The following GRIN2A variants were observed in gnomAD, a reference collection of about 807,000 sequenced individuals.
The protein encoded by GRIN2A is glutamate receptor ionotropic, NMDA 2A.
Under a neutral mutation model 113.4 loss-of-function variants are expected in GRIN2A, and 22 were observed. The ratio of observed to expected loss-of-function variants is 0.19; its 90% CI spans 0.14 to 0.28. The LOEUF is 0.28. Among genes scored for constraint, GRIN2A ranks in the 10% least tolerant of loss-of-function variants. The probability of loss-of-function intolerance (pLI) is 1.00; values close to 1 mark genes in which losing one functional copy is unlikely to be tolerated. For synonymous variants in GRIN2A, 827 were observed against 738.4 expected, an observed-to-expected ratio of 1.12 and a Z score of -1.94; for missense variants, 1,502 against 1,887.0, an observed-to-expected ratio of 0.80 and a Z score of 3.78.
At chr16:9,775,585 T>C (rs757257658) in intron 11 of GRIN2A, among the ~76,000 whole-genome samples, 3 of 151,498 alleles carry the variant, frequency 2.0e-5, no homozygotes, top group Non-Finnish European at 4.4e-5. Context: ...AAACAAGGAG[T>C]GTTGAGATCA....
At chr16:10,001,711 T>C (rs571831386) in intron 2 of GRIN2A, among the ~76,000 whole-genome samples, 33 of 152,330 alleles carry the variant, frequency 2.2e-4, no homozygotes, top group Middle Eastern at 3.4e-3. Flanking sequence ...CAGAATTGCA[T>C]GGATTGGCTT....
chr16:9,885,351 G>T (rs1291912209), intron 4 of GRIN2A, among the ~76,000 whole-genome samples: 1 of 152,154 alleles, frequency 6.6e-6, no homozygotes, highest in Admixed American at 6.5e-5. Flanking sequence ...TCTCTGGGAA[G>T]CCTTGGACTC....
chr16:9,830,199 A>G (rs2042464733), intron 8 of GRIN2A, among the ~76,000 whole-genome samples: 1 of 152,256 alleles, frequency 6.6e-6, no homozygotes, highest in Non-Finnish European at 1.5e-5. Context: ...CTCCAAATGG[A>G]GACATTAAGG....
At chr16:10,004,735 A>T (rs894836865) in intron 2 of GRIN2A, among the ~76,000 whole-genome samples, 1 of 152,192 alleles carries the variant, frequency 6.6e-6, no homozygotes, top group South Asian at 2.1e-4. Context: ...TCTTTCCCTG[A>T]TGAGGACACT....
intron 2 of GRIN2A, among the ~76,000 whole-genome samples, chr16:10,119,734 C>T (rs1033435869): frequency 6.6e-6 from 1 of 152,170 alleles, no homozygotes; most frequent in Non-Finnish European, 1.5e-5. Context: ...TCCCTCCTCC[C>T]ACCCTCCGCC....
intron 2 of GRIN2A, among the ~76,000 whole-genome samples, chr16:10,152,527 C>T (rs1237688258): frequency 4.6e-5 from 7 of 152,190 alleles, no homozygotes; most frequent in African/African-American, 1.7e-4. Flanking sequence ...CCAACCATCA[C>T]TCACTCTGAC....
chr16:9,893,656 A>G (rs1379655698), intron 3 of GRIN2A, among the ~76,000 whole-genome samples: 1 of 152,080 alleles, frequency 6.6e-6, no homozygotes, highest in Non-Finnish European at 1.5e-5. Flanking sequence ...TAGTAGATAC[A>G]GGGTTTTGCC....
At chr16:10,094,989 G>C (rs866462221) in intron 2 of GRIN2A, among the ~76,000 whole-genome samples, 1 of 151,908 alleles carries the variant, frequency 6.6e-6, no homozygotes, top group Non-Finnish European at 1.5e-5. Flanking sequence ...TTTGGAGATA[G>C]GGCTTTTAGG....
intron 2 of GRIN2A, among the ~76,000 whole-genome samples, chr16:10,060,803 T>G (rs768539596): frequency 3.3e-5 from 5 of 152,170 alleles, no homozygotes; most frequent in Non-Finnish European, 5.9e-5. Context: ...CGTTTCCTCT[T>G]TACGAGTGCA....
Position 10,040,572 on chromosome 16 carries a change from TCACA to T in GRIN2A, c.415-102025_415-102022del, listed in dbSNP as rs112132209. On this transcript the variant is annotated intron_variant, in intron 2 of 12. Coordinates refer to ENST00000330684, the MANE Select transcript of GRIN2A (RefSeq NM_001134407.3). The stretch of plus-strand genomic sequence containing the variant: ...ACAGCAGACATACAAACCCACATAT[TCACA>T]CACACACACACACAAAACACACATC... Among the ~76,000 whole-genome samples, 223 of 149,992 alleles carry T rather than the reference TCACA, an allele frequency of 1.5e-3. 2 individuals are homozygous for T. The highest frequency in any genetic ancestry group is 4.2e-3 in the African/African-American group (173 of 40,790).
intron 11 of GRIN2A, among the ~76,000 whole-genome samples, chr16:9,773,275 T>C (rs908814371): frequency 2.6e-5 from 4 of 152,194 alleles, no homozygotes; most frequent in Admixed American, 6.5e-5. Context: ...TTCTGCCATA[T>C]AAATAGAAGG....
intron 3 of GRIN2A, among the ~76,000 whole-genome samples, chr16:9,902,214 G>A (rs1411043798): frequency 6.6e-6 from 1 of 152,164 alleles, no homozygotes; most frequent in Non-Finnish European, 1.5e-5. Flanking sequence ...AGCTAGGCAT[G>A]ACCCTATGAC....
At position 9,891,166 on chromosome 16, in the gene GRIN2A, G is replaced by A. The variant is rs1186545014; in HGVS notation, c.1008-66C>T. 4.5e-6 allele frequency: 4 copies of A among 890,214 alleles called. No individual in the cohort carries two copies. In the African/African-American group the frequency reaches 6.5e-5, roughly 15 times the overall value. The allele number at this position is 890,214 out of a possible 1,614,324, so 55.1% of individuals were successfully genotyped here. A position where few individuals can be genotyped will look rare whatever the true frequency, so the allele number is the denominator to read the frequency against. The stretch of plus-strand genomic sequence containing the variant: ...ATTAGAGCAATCGAACAAATAAGTG[G>A]ATGCCACCATTAATGGAATACTGAA... On this transcript the variant is annotated intron_variant, in intron 3 of 12. Transcript: ENST00000330684.
In GRIN2A at chr16:10,180,610, ACT is replaced by A. The variant is rs757648735; in HGVS notation, c.-18-183_-18-182del. On this transcript the variant is annotated intron_variant, in intron 1 of 12. Coordinates refer to ENST00000330684, the MANE Select transcript of GRIN2A (RefSeq NM_001134407.3). This position sits in a 1 kb window ranked among gnomAD's most constrained non-coding sequence, Gnocchi z 7.0. Reference sequence around the variant, plus strand: ...ATCCACATCCCTCGATCCATCTCTAACTCTATCCACAACTCCAATTCGAGCTA... The same window carrying A: ...ATCCACATCCCTCGATCCATCTCTAACTATCCACAACTCCAATTCGAGCTA... 1.2e-3 allele frequency: 686 copies of A among 562,066 alleles called. No homozygotes were observed. Among genetic ancestry groups the A allele is most frequent in the Non-Finnish European group, 1.3e-3 (572 of 443,474 alleles). 34.8% of individuals were successfully genotyped at this position (562,066 alleles called of 1,614,324 possible). A position where few individuals can be genotyped will look rare whatever the true frequency, so the allele number is the denominator to read the frequency against.
chr16:10,160,371 G>T (rs1451575900), intron 2 of GRIN2A, among the ~76,000 whole-genome samples: 3 of 152,206 alleles, frequency 2.0e-5, no homozygotes, highest in Admixed American at 6.5e-5. Flanking sequence ...CATGTGAACT[G>T]TGGATGGGTT....
At chr16:9,888,239 G>C (rs1034297119) in intron 4 of GRIN2A, among the ~76,000 whole-genome samples, 1 of 152,206 alleles carries the variant, frequency 6.6e-6, no homozygotes, top group Non-Finnish European at 1.5e-5. Flanking sequence ...ATAAAAAAGA[G>C]GGCTGGGCAC....
At chr16:10,087,771 C>T (rs2048110053) in intron 2 of GRIN2A, among the ~76,000 whole-genome samples, 1 of 151,992 alleles carries the variant, frequency 6.6e-6, no homozygotes, top group African/African-American at 2.4e-5. Context: ...CTCATTGCAG[C>T]CTCCATCGGG....
Position 9,844,176 on chromosome 16 carries a change from G to C in GRIN2A, c.1329-3072C>G, listed in dbSNP as rs144502945. Among the ~76,000 whole-genome samples the C allele has an allele frequency of 4.6e-3, 699 of 152,242 alleles. 1 individual carries two copies. The highest frequency in any genetic ancestry group is 0.017 in the Middle Eastern group (5 of 294). ...CCCAGGTTTAAGATTCAAGGTCACA[G>C]GCATATAGTGGCATTCTTTGGTCTC... On this transcript the variant is annotated intron_variant, in intron 5 of 12. Coordinates refer to ENST00000330684, the MANE Select transcript of GRIN2A (RefSeq NM_001134407.3).
At chr16:10,003,870 G>C (rs1055086221) in intron 2 of GRIN2A, among the ~76,000 whole-genome samples, 1 of 152,198 alleles carries the variant, frequency 6.6e-6, no homozygotes, top group Admixed American at 6.5e-5. Flanking sequence ...TTCTCCCACT[G>C]ATTTTGGTCA....
Sources: gnomAD v4.1 joint callset for allele counts (sites outside exome capture counted in the v4.1 genomes callset) on GRCh38, gnomAD v4.1.1 for gene constraint, Gnocchi (gnomAD v3.1) non-coding constraint, MANE v1.5 for transcripts, NCBI Gene and HGNC (gene_info 2026-07-23, HGNC 2026-07-21) for gene names.